The following RANBP2 variants were observed in gnomAD, a reference collection of about 807,000 sequenced individuals.
RANBP2 encodes the protein E3 SUMO-protein ligase RanBP2.
A neutral mutation model predicts 303.6 loss-of-function variants in RANBP2; 57 were observed. The ratio of observed to expected loss-of-function variants is 0.19; its 90% confidence interval spans 0.15 to 0.23. RANBP2 has a LOEUF of 0.23. Among genes scored for constraint, RANBP2 ranks in the 10% least tolerant of loss-of-function variants. The pLI, the probability that RANBP2 is intolerant of heterozygous loss-of-function variation, is 1.00. For missense variants in RANBP2, 3,138 were observed against 3,780.8 expected (o/e 0.83, Z 4.46); for synonymous variants, 1,167 against 1,301.5 (o/e 0.90, Z 2.23).
the RANBP2 span, among the ~76,000 whole-genome samples, chr2:109,269,387 T>G: frequency 6.6e-6 from 1 of 152,190 alleles, no homozygotes; most frequent in Admixed American, 6.5e-5. Context: ...CAGAAAACAC[T>G]GGTGCTTCTC....
At chr2:109,402,937 G>A in the RANBP2 span, among the ~76,000 whole-genome samples, 1 of 152,202 alleles carries the variant, frequency 6.6e-6, no homozygotes. Flanking sequence ...CTGGAGTGGA[G>A]ATGGGCTGCT....
the RANBP2 span, among the ~76,000 whole-genome samples, chr2:109,181,141 C>T: frequency 2.0e-5 from 3 of 152,118 alleles, no homozygotes; most frequent in Non-Finnish European, 4.4e-5. Context: ...CCTTCCAGCT[C>T]GTCTGTGTTT....
chr2:109,173,129 A>C, the RANBP2 span, among the ~76,000 whole-genome samples: 5 of 152,214 alleles, frequency 3.3e-5, no homozygotes, highest in Non-Finnish European at 7.3e-5. Context: ...TTTTAACTCA[A>C]ATTTTAAAAA....
In RANBP2 at chr2:108,772,507, C is replaced by T. The variant is rs1482233366; in HGVS notation, c.8039C>T (p.Ala2680Val). 1 of 1,613,298 alleles carries T rather than the reference C, an allele frequency of 6.2e-7. No individual in the cohort carries two copies. The highest frequency in any genetic ancestry group is 8.5e-7 in the Non-Finnish European group (1 of 1,179,550). ...TTTTAAGATGAAGATTTCGAAACAG[C>T]TGTCAAGAAACTTAATGGAAAACTA... ...EEEDDEDFETAVKKLNGKLYL... is the reference protein window; with the variant it reads ...EEEDDEDFETVVKKLNGKLYL... Residue 2680 changes from alanine to valine, a missense_variant, in exon 22 of 29, where the codon GCT becomes GTT. Transcript: ENST00000283195.
chr2:108,786,745 G>T, downstream of RANBP2: 1 of 1,352,490 alleles, frequency 7.4e-7, no homozygotes, highest in South Asian at 1.2e-5. Flanking sequence ...CTGGCACGTC[G>T]TGACGCACTG....
At chr2:108,830,126 A>G in the RANBP2 span, among the ~76,000 whole-genome samples, 1 of 152,210 alleles carries the variant, frequency 6.6e-6, no homozygotes, top group Non-Finnish European at 1.5e-5. Flanking sequence ...ATGAACCCTG[A>G]AGCTATTGTA....
the RANBP2 span, among the ~76,000 whole-genome samples, chr2:109,655,373 T>G: frequency 3.3e-5 from 5 of 152,150 alleles, no homozygotes; most frequent in Non-Finnish European, 5.9e-5. Context: ...ACTGGTCCAA[T>G]CAAGTCTCTC....
chr2:109,199,223 G>A, the RANBP2 span, among the ~76,000 whole-genome samples: 32 of 148,512 alleles, frequency 2.2e-4, no homozygotes, highest in Non-Finnish European at 6.0e-5. Flanking sequence ...GCCAGGCGTG[G>A]TGGCGGGTGC....
At chr2:109,383,406 C>A in the RANBP2 span, among the ~76,000 whole-genome samples, 1 of 152,170 alleles carries the variant, frequency 6.6e-6, no homozygotes, top group African/African-American at 2.4e-5. Flanking sequence ...GCTGCCTCAC[C>A]CTTAGTTCTA....
chr2:109,319,777 C>G, the RANBP2 span, among the ~76,000 whole-genome samples: 1 of 152,270 alleles, frequency 6.6e-6, no homozygotes, highest in South Asian at 2.1e-4. Flanking sequence ...TGTTTCCCTT[C>G]ACTGCCCAGT....
the RANBP2 span, among the ~76,000 whole-genome samples, chr2:109,534,981 G>A: frequency 7.9e-5 from 12 of 152,136 alleles, no homozygotes; most frequent in African/African-American, 2.4e-4. Flanking sequence ...GACTCACTCA[G>A]CAAGCCCATT....
the RANBP2 span, among the ~76,000 whole-genome samples, chr2:108,824,757 C>G: frequency 6.6e-6 from 1 of 151,974 alleles, no homozygotes. Context: ...CTACTGGCAG[C>G]ACAGTAGTTT....
intron 22 of RANBP2, 54 bp from the exon 23 acceptor site, chr2:108,772,811 TGTA>T: frequency 6.4e-7 from 1 of 1,556,708 alleles, no homozygotes. Flanking sequence ...CTACCATTGT[TGTA>T]GAGAAGTTGG....
At chr2:109,218,917 C>A in the RANBP2 span, among the ~76,000 whole-genome samples, 10 of 152,258 alleles carry the variant, frequency 6.6e-5, no homozygotes, top group Non-Finnish European at 1.3e-4. Context: ...AGGTGAGAGC[C>A]CTGCCTTCCC....
chr2:108,764,692 C>G lies in RANBP2; in HGVS notation c.4153C>G (p.Leu1385Val). Residue 1385 changes from leucine to valine, a missense_variant, in exon 20 of 29, where the codon CTC becomes GTC. By Grantham distance (32) the Leu-to-Val change is conservative. This residue lies in a region of RANBP2 where 388 missense variants were observed against 328.5 expected (regional missense o/e 1.18). Coordinates refer to ENST00000283195, the MANE Select transcript of RANBP2 (RefSeq NM_006267.5). Reference sequence around the variant, plus strand: ...AAATCTAAACCCAAGCAATAAAGAGCTCGTTGGCCCACCATTAGCTGAAAC... The same window carrying G: ...AAATCTAAACCCAAGCAATAAAGAGGTCGTTGGCCCACCATTAGCTGAAAC... ...CQNLNPSNKE[L>V]VGPPLAETVF... is the part of the protein sequence containing the mutation. The G allele has an allele frequency of 6.2e-7, 1 of 1,613,986 alleles. No homozygotes were observed.
chr2:108,821,350 T>A, the RANBP2 span, among the ~76,000 whole-genome samples: 1 of 149,800 alleles, frequency 6.7e-6, no homozygotes, highest in Non-Finnish European at 1.5e-5. Context: ...AGGGTGAGAC[T>A]CCGTCTCAAA....
chr2:109,572,758 AGGCATGTGCCATCATGCC>A, the RANBP2 span, among the ~76,000 whole-genome samples: 1 of 151,934 alleles, frequency 6.6e-6, no homozygotes, highest in African/African-American at 2.4e-5. Context: ...CTGGGGCTAC[AGGCATGTGCCATCATGCC>A]TGGCTAATTT....
the RANBP2 span, among the ~76,000 whole-genome samples, chr2:109,726,351 A>T: frequency 1.3e-5 from 2 of 152,030 alleles, no homozygotes; most frequent in Non-Finnish European, 2.9e-5. Context: ...CGGAGGTTGC[A>T]GTGAGCCAGG....
chr2:109,245,623 ATAACT>A, the RANBP2 span, among the ~76,000 whole-genome samples: 2 of 152,350 alleles, frequency 1.3e-5, no homozygotes, highest in South Asian at 4.1e-4. Context: ...TATATATAAA[ATAACT>A]TTACGAGTTT....
Sources: gnomAD v4.1 joint callset for allele counts (sites outside exome capture counted in the v4.1 genomes callset) on GRCh38, gnomAD v4.1.1 for gene constraint, gnomAD v4.1.1 regional missense constraint, MANE v1.5 for transcripts, NCBI Gene and HGNC (gene_info 2026-07-23, HGNC 2026-07-21) for gene names.